Variants in NCKAP5 observed in about 807,000 individuals in gnomAD.
The protein encoded by NCKAP5 is NCK associated protein 5.
Under a neutral mutation model 167.0 loss-of-function variants are expected in NCKAP5, and 92 were observed. The observed-to-expected ratio is 0.55, with a 90% CI of 0.47 to 0.66. The LOEUF is 0.66. Ranked by LOEUF, NCKAP5 falls within the 30% of genes least tolerant of loss-of-function variation. The probability of loss-of-function intolerance (pLI) is 0.00; values close to 1 mark genes in which losing one functional copy is unlikely to be tolerated. For missense variants in NCKAP5, 2,378 were observed against 2,315.0 expected (o/e 1.03, Z -0.56); for synonymous variants, 891 against 877.4 (o/e 1.02, Z -0.27).
chr2:133,226,604 AACACAC>A lies in NCKAP5; in HGVS notation c.144-12831_144-12826del, dbSNP rs3051222. Among the ~76,000 whole-genome samples, 50 of 139,254 alleles carry A rather than the reference AACACAC, an allele frequency of 3.6e-4. 1 individual carries two copies. Among genetic ancestry groups the A allele is most frequent in the Admixed American group, 5.1e-4 (7 of 13,832 alleles). The allele number at this position is 139,254 out of a possible 152,430, so 91.4% of individuals were successfully genotyped here. ...TAAAAAAAGGGAAAATTTGAAGATA[AACACAC>A]ACACACACACACACACACACACACA... On this transcript the variant is annotated intron_variant, in intron 4 of 19. Coordinates refer to ENST00000409261, the MANE Select transcript of NCKAP5 (RefSeq NM_207363.3).
intron 3 of NCKAP5, among the ~76,000 whole-genome samples, chr2:133,332,789 T>C (rs951243674): frequency 3.3e-5 from 5 of 152,234 alleles, no homozygotes; most frequent in African/African-American, 4.8e-5. Flanking sequence ...CTGGAAGCTT[T>C]CCTTCACCTC....
chr2:133,381,980 G>A (rs1686556943), intron 3 of NCKAP5, among the ~76,000 whole-genome samples: 1 of 152,198 alleles, frequency 6.6e-6, no homozygotes, highest in Non-Finnish European at 1.5e-5. Flanking sequence ...AGAGACTTGT[G>A]TTCTTAGATC....
chr2:132,838,061 T>G (rs1461824035), intron 11 of NCKAP5, among the ~76,000 whole-genome samples: 1 of 152,230 alleles, frequency 6.6e-6, no homozygotes, highest in Admixed American at 6.5e-5. Context: ...TCTCTGAGCA[T>G]GGAGCCCTCC....
intron 19 of NCKAP5, 81 bp downstream of exon 19, chr2:132,725,546 G>A: frequency 6.9e-7 from 1 of 1,458,772 alleles, no homozygotes; most frequent in South Asian, 1.4e-5. Flanking sequence ...AAGAGGGTGG[G>A]GGCCGAGCAC....
chr2:133,509,750 T>C (rs1379485425), intron 3 of NCKAP5, among the ~76,000 whole-genome samples: 1 of 152,136 alleles, frequency 6.6e-6, no homozygotes, highest in Non-Finnish European at 1.5e-5. Flanking sequence ...AAGCCAGGTA[T>C]CCCAATAAAC....
chr2:132,909,483 A>C (rs1694272846), intron 8 of NCKAP5, among the ~76,000 whole-genome samples: 1 of 152,182 alleles, frequency 6.6e-6, no homozygotes, highest in Non-Finnish European at 1.5e-5. Flanking sequence ...AGGGTATTCA[A>C]ATTTTCCCCT....
chr2:133,037,155 T>A (rs992919491), intron 6 of NCKAP5, among the ~76,000 whole-genome samples: 5 of 151,914 alleles, frequency 3.3e-5, no homozygotes, highest in African/African-American at 1.2e-4. Flanking sequence ...GAAGAGGACA[T>A]CAATAAATGG....
intron 12 of NCKAP5, among the ~76,000 whole-genome samples, chr2:132,795,624 G>A (rs1185250238): frequency 1.3e-5 from 2 of 151,990 alleles, no homozygotes; most frequent in African/African-American, 2.4e-5. Context: ...TTCGAGACCA[G>A]CCTGACTAAC....
At chr2:133,066,873 C>T (rs993546543) in intron 6 of NCKAP5, among the ~76,000 whole-genome samples, 1 of 152,174 alleles carries the variant, frequency 6.6e-6, no homozygotes, top group African/African-American at 2.4e-5. Flanking sequence ...ATATTTCCTC[C>T]AGAGCGATTA....
At chr2:133,218,482 T>C (rs1164343886) in intron 4 of NCKAP5, among the ~76,000 whole-genome samples, 1 of 152,120 alleles carries the variant, frequency 6.6e-6, no homozygotes, top group Non-Finnish European at 1.5e-5. Flanking sequence ...ATGACAAAAA[T>C]AGTTTTGATC....
intron 3 of NCKAP5, among the ~76,000 whole-genome samples, chr2:133,399,641 A>C (rs554324705): frequency 3.3e-5 from 5 of 152,316 alleles, no homozygotes; most frequent in African/African-American, 9.6e-5. Context: ...TAAAAGGGAC[A>C]GTGTGAAACC....
At chr2:132,697,912 G>C (rs1687503132) in intron 19 of NCKAP5, among the ~76,000 whole-genome samples, 1 of 152,148 alleles carries the variant, frequency 6.6e-6, no homozygotes, top group South Asian at 2.1e-4. Context: ...TAGCTGTGTA[G>C]GTTTAGTTTT....
intron 6 of NCKAP5, among the ~76,000 whole-genome samples, chr2:133,127,858 G>A (rs1233557200): frequency 6.6e-6 from 1 of 152,132 alleles, no homozygotes; most frequent in Non-Finnish European, 1.5e-5. Flanking sequence ...GGTGATATAA[G>A]TAATAGCCTA....
At chr2:133,471,874 C>G (rs1479941041) in intron 3 of NCKAP5, among the ~76,000 whole-genome samples, 1 of 152,190 alleles carries the variant, frequency 6.6e-6, no homozygotes, top group Non-Finnish European at 1.5e-5. Context: ...TTATCTTACT[C>G]AAGTCTCAAA....
At chr2:133,155,798 C>T (rs747248748) in intron 5 of NCKAP5, among the ~76,000 whole-genome samples, 1 of 152,206 alleles carries the variant, frequency 6.6e-6, no homozygotes, top group African/African-American at 2.4e-5. Context: ...TAAAATCAAA[C>T]TGAAACTCTT....
At chr2:133,149,770 C>G (rs1487811550) in intron 5 of NCKAP5, among the ~76,000 whole-genome samples, 4 of 152,192 alleles carry the variant, frequency 2.6e-5, no homozygotes, top group African/African-American at 9.6e-5. Context: ...GTTTCCTGTC[C>G]TGAAGATACT....
intron 6 of NCKAP5, among the ~76,000 whole-genome samples, chr2:133,017,462 A>T (rs1187116146): frequency 2.6e-5 from 4 of 152,218 alleles, no homozygotes; most frequent in African/African-American, 9.6e-5. Context: ...GTTCAGGTGA[A>T]TTATTCAAAA....
rs114559845 is a variant in NCKAP5 at position 133,199,607 on chromosome 2, T to C, written c.207+14109A>G. Among the ~76,000 whole-genome samples the C allele has an allele frequency of 3.0e-3, 454 of 152,124 alleles. 1 individual carries two copies. The highest frequency in any genetic ancestry group is 0.01 in the African/African-American group (427 of 41,564). ...CAATATCAATCAACCAAATCTCTCA[T>C]ATATTTCTAGTGGAAATGTAAAATG... On this transcript the variant is annotated intron_variant, in intron 5 of 19. Transcript: ENST00000409261.
intron 3 of NCKAP5, among the ~76,000 whole-genome samples, chr2:133,471,204 T>C (rs1019529621): frequency 2.6e-5 from 4 of 152,172 alleles, no homozygotes; most frequent in Non-Finnish European, 5.9e-5. Flanking sequence ...GCATGCACCA[T>C]CCTTGGGTGC....
Sources: allele counts gnomAD v4.1 joint callset (sites outside exome capture counted in the v4.1 genomes callset), GRCh38; gene constraint gnomAD v4.1.1; transcripts MANE v1.5; gene names NCBI Gene and HGNC (gene_info 2026-07-23, HGNC 2026-07-21).